The following CUL4A variants were observed in gnomAD, a reference collection of about 807,000 sequenced individuals.
CUL4A encodes the protein cullin 4A, also known as cullin-4A.
In CUL4A, 16 loss-of-function variants were observed where a neutral mutation model predicts 95.5. The observed-to-expected ratio is 0.17, with a 90% CI of 0.11 to 0.25. The LOEUF is 0.25. Ranked by LOEUF, CUL4A falls within the 10% of genes least tolerant of loss-of-function variation. The probability of loss-of-function intolerance (pLI) is 1.00; values close to 1 mark genes in which losing one functional copy is unlikely to be tolerated. For synonymous variants in CUL4A, 380 were observed against 353.1 expected, an observed-to-expected ratio of 1.08 and a Z score of -0.85; for missense variants, 610 against 937.0, an observed-to-expected ratio of 0.65 and a Z score of 4.56.
rs1350097412 is a variant in CUL4A, at chr13:113,209,982, G to C, written c.158G>C (p.Arg53Pro). ...TCCCTCCGCCCTGCAGACAGACCTC[G>C]GCTGCCCGACAACTACACGCAGGAC... The part of the protein sequence containing the change: ...LVIKNFRDRP[R>P]LPDNYTQDTW... The change falls in exon 2 of 20, where the codon CGG (arginine) becomes CCG (proline). Residue 53 changes from arginine to proline, a missense_variant. Physicochemically the swap from Arg to Pro is moderately radical, Grantham distance 103. Transcript: ENST00000375440. The C allele has an allele frequency of 2.0e-6, 3 of 1,512,540 alleles. No individual in the cohort carries two copies. The highest frequency in any genetic ancestry group is 1.2e-5 in the South Asian group (1 of 81,126). The allele number at this position is 1,512,540 out of a possible 1,614,324, so 93.7% of individuals were successfully genotyped here.
At chr13:113,242,825 C>G in intron 10 of CUL4A, 143 bp from the exon 11 acceptor site, 3 of 651,598 alleles carry the variant, frequency 4.6e-6, no homozygotes, top group Non-Finnish European at 2.5e-6. Flanking sequence ...AATGTGAATT[C>G]AATTTGTGAA....
intron 5 of CUL4A, 88 bp from the exon 6 acceptor site, chr13:113,233,088 GA>G (rs1264713094): frequency 7.4e-7 from 1 of 1,342,406 alleles, no homozygotes; most frequent in Non-Finnish European, 1.0e-6. Flanking sequence ...ACATTTTTGG[GA>G]TGATATTGAA....
At chr13:113,223,146 T>C (rs950128164) in intron 3 of CUL4A, among the ~76,000 whole-genome samples, 2 of 152,260 alleles carry the variant, frequency 1.3e-5, no homozygotes, top group South Asian at 2.1e-4. Flanking sequence ...TCTGTCCAAC[T>C]CAGCACTGTG....
intron 15 of CUL4A, among the ~76,000 whole-genome samples, chr13:113,247,233 C>T (rs1374492199): frequency 6.6e-6 from 1 of 152,188 alleles, no homozygotes; most frequent in Non-Finnish European, 1.5e-5. Context: ...CCACCTCCAG[C>T]ACTGCAGATC....
chr13:113,239,251 C>T (rs188916484), intron 9 of CUL4A, among the ~76,000 whole-genome samples, 182 bp from the exon 10 acceptor site: 21 of 152,322 alleles, frequency 1.4e-4, no homozygotes, highest in African/African-American at 4.8e-4. Flanking sequence ...ATGAGGTTCA[C>T]CTAATAGGAT....
chr13:113,228,697 C>T (rs1462280042), intron 4 of CUL4A, among the ~76,000 whole-genome samples: 1 of 152,044 alleles, frequency 6.6e-6, no homozygotes, highest in Non-Finnish European at 1.5e-5. Context: ...CATCCTGCAT[C>T]CCTCACTCTG....
intron 2 of CUL4A, 64 bp downstream of exon 2, chr13:113,210,152 G>C: frequency 8.7e-7 from 1 of 1,153,494 alleles, no homozygotes; most frequent in Non-Finnish European, 1.2e-6. Context: ...GCGGCCGGGC[G>C]GCCGCTCCGG....
intron 15 of CUL4A, among the ~76,000 whole-genome samples, chr13:113,252,240 T>G (rs2042013009): frequency 6.6e-6 from 1 of 152,116 alleles, no homozygotes; most frequent in South Asian, 2.1e-4. Context: ...GTAGAAAGTT[T>G]GGAAAATGTA....
upstream of CUL4A, chr13:113,209,029 G>A: frequency 4.1e-6 from 2 of 493,066 alleles, no homozygotes; most frequent in Non-Finnish European, 5.2e-6. Flanking sequence ...CTCGGGGCGC[G>A]CGCGCCCGAG....
intron 2 of CUL4A, among the ~76,000 whole-genome samples, chr13:113,213,958 C>G (rs2040547536): frequency 6.6e-6 from 1 of 152,224 alleles, no homozygotes; most frequent in African/African-American, 2.4e-5. Context: ...GGATAGAAAT[C>G]TAAGAAAAGC....
At chr13:113,242,241 G>T (rs945542473) in intron 10 of CUL4A, among the ~76,000 whole-genome samples, 2 of 151,744 alleles carry the variant, frequency 1.3e-5, no homozygotes, top group African/African-American at 4.8e-5. Flanking sequence ...CTCCAGCCTG[G>T]TGACAAAGCG....
chr13:113,261,734 C>G (rs959791033), intron 19 of CUL4A, among the ~76,000 whole-genome samples: 2 of 151,084 alleles, frequency 1.3e-5, no homozygotes, highest in Non-Finnish European at 2.9e-5. Context: ...ACTCTGCTCT[C>G]AGGGGTAGAG....
intron 17 of CUL4A, 23 bp downstream of exon 17, chr13:113,254,821 A>G (rs770897182): frequency 2.5e-6 from 4 of 1,597,240 alleles, no homozygotes. Context: ...CAGAGTGCAT[A>G]GCTCCATGAG....
chr13:113,229,598 AG>A (rs1425050119), intron 5 of CUL4A, 79 bp downstream of exon 5: 7 of 1,174,890 alleles, frequency 6.0e-6, no homozygotes, highest in Non-Finnish European at 8.7e-6. Flanking sequence ...CCGCAGGCTA[AG>A]ATGGTAAAGT....
chr13:113,219,872 T>C (rs2139114908), intron 3 of CUL4A: 3 of 152,402 alleles, frequency 2.0e-5, no homozygotes, highest in East Asian at 3.9e-4. Context: ...GGGGAGTCTC[T>C]GGGCTCCTTG....
intron 7 of CUL4A, among the ~76,000 whole-genome samples, chr13:113,234,789 A>G (rs778096467): frequency 5.3e-5 from 8 of 152,122 alleles, no homozygotes; most frequent in Non-Finnish European, 1.0e-4. Context: ...GAGGGTGTGC[A>G]CAGACCCCGA....
intron 2 of CUL4A, among the ~76,000 whole-genome samples, chr13:113,215,391 GC>G (rs2139090065): frequency 7.3e-6 from 1 of 136,648 alleles, no homozygotes; most frequent in South Asian, 2.5e-4. Context: ...CGTGGAGGTC[GC>G]TGTGTGACTA....
At chr13:113,209,038 AGGAGGG>A, upstream of CUL4A, 1 of 354,438 alleles carries the variant, frequency 2.8e-6, no homozygotes, top group Non-Finnish European at 3.8e-6. Context: ...CGCGCGCCCG[AGGAGGG>A]GGAGGGGGAG....
intron 15 of CUL4A, among the ~76,000 whole-genome samples, chr13:113,248,168 C>T (rs2041904233): frequency 1.3e-5 from 2 of 152,328 alleles, no homozygotes; most frequent in Middle Eastern, 3.4e-3. Context: ...TTCAAGACTA[C>T]GTAAACCTCT....
Sources: allele counts gnomAD v4.1 joint callset (sites outside exome capture counted in the v4.1 genomes callset), GRCh38; gene constraint gnomAD v4.1.1; transcripts MANE v1.5; gene names NCBI Gene and HGNC (gene_info 2026-07-23, HGNC 2026-07-21).